Variants in HS6ST3 observed in about 807,000 individuals in gnomAD.
HS6ST3 encodes heparan-sulfate 6-O-sulfotransferase 3.
Under a neutral mutation model 36.7 loss-of-function variants are expected in HS6ST3, and 12 were observed. That is an observed-to-expected ratio of 0.33 (90% CI 0.21 to 0.53). The LOEUF is 0.53. Among genes scored for constraint, HS6ST3 ranks in the 20% least tolerant of loss-of-function variants. The probability of loss-of-function intolerance (pLI) is 0.95; values close to 1 mark genes in which losing one functional copy is unlikely to be tolerated. For missense variants in HS6ST3, 584 were observed against 640.9 expected, an observed-to-expected ratio of 0.91 and a Z score of 0.96; for synonymous variants, 240 against 257.5, an observed-to-expected ratio of 0.93 and a Z score of 0.65.
chr13:96,330,479 ATTCTT>A (rs2139420206), intron 1 of HS6ST3, among the ~76,000 whole-genome samples: 1 of 149,966 alleles, frequency 6.7e-6, no homozygotes, highest in African/African-American at 2.4e-5. Flanking sequence ...TGGGTTGAAA[ATTCTT>A]TTCTTTAAGA....
At position 96,506,560 on chromosome 13, in the gene HS6ST3, G is replaced by GGTGGAAC. The variant is rs1436175728; in HGVS notation, c.708-325930_708-325929insGTGGAAC. ...GCTATCGCTTATTTTCCTATTGAAT[G>GGTGGAAC]CTGCCTTTCCATTTAGATGGTGATT... On this transcript the variant is annotated intron_variant, in intron 1 of 1. Transcript: ENST00000376705. Among the ~76,000 whole-genome samples, 5 of 152,252 alleles carry GGTGGAAC rather than the reference G, an allele frequency of 3.3e-5. No homozygotes were observed. In the East Asian group the frequency reaches 9.7e-4, roughly 29 times the overall value.
chr13:96,821,211 G>C (rs982411823), intron 1 of HS6ST3, among the ~76,000 whole-genome samples: 4 of 152,176 alleles, frequency 2.6e-5, no homozygotes, highest in African/African-American at 4.8e-5. Context: ...TGCTAAAGTA[G>C]AACAGAGGCC....
chr13:96,775,656 C>A (rs763560565), intron 1 of HS6ST3, among the ~76,000 whole-genome samples: 9 of 151,968 alleles, frequency 5.9e-5, no homozygotes, highest in Non-Finnish European at 1.3e-4. Context: ...AAATATATAT[C>A]CACCCAATAC....
At chr13:96,801,400 C>T (rs1347447535) in intron 1 of HS6ST3, among the ~76,000 whole-genome samples, 1 of 152,050 alleles carries the variant, frequency 6.6e-6, no homozygotes, top group East Asian at 1.9e-4. Context: ...CAGATGCTGT[C>T]CAATATACCG....
intron 1 of HS6ST3, among the ~76,000 whole-genome samples, chr13:96,710,622 T>C (rs1338360858): frequency 6.6e-6 from 1 of 152,254 alleles, no homozygotes; most frequent in Non-Finnish European, 1.5e-5. Context: ...AGAAGCAGGC[T>C]GATTGCACTG....
intron 1 of HS6ST3, among the ~76,000 whole-genome samples, chr13:96,276,818 C>G (rs1033958635): frequency 1.3e-5 from 2 of 152,138 alleles, no homozygotes; most frequent in African/African-American, 4.8e-5. Context: ...CAGATTCTGG[C>G]TTTAGGTTTA....
intron 1 of HS6ST3, among the ~76,000 whole-genome samples, chr13:96,358,316 C>G (rs2055220036): frequency 6.7e-6 from 1 of 149,020 alleles, no homozygotes; most frequent in Non-Finnish European, 1.5e-5. Context: ...CTATCTAATA[C>G]AAAGTGAAAA....
intron 1 of HS6ST3, among the ~76,000 whole-genome samples, chr13:96,247,284 T>C (rs939448249): frequency 2.0e-5 from 3 of 152,066 alleles, no homozygotes; most frequent in Admixed American, 2.0e-4. Flanking sequence ...AATACAGCCC[T>C]GATATGATTT....
intron 1 of HS6ST3, among the ~76,000 whole-genome samples, chr13:96,779,836 G>A (rs1877481852): frequency 6.6e-6 from 1 of 151,624 alleles, no homozygotes; most frequent in African/African-American, 2.4e-5. Context: ...GCATCTGTGT[G>A]ACTACCTCAC....
chr13:96,439,677 G>T lies in HS6ST3; in HGVS notation c.707+348108G>T, dbSNP rs1032505854. Reference sequence around the variant, plus strand: ...GTTGTGTGAGAATTGACAGAATTAAGATATGTTAAATGTTTGGAATGATGT... The same window carrying T: ...GTTGTGTGAGAATTGACAGAATTAATATATGTTAAATGTTTGGAATGATGT... On this transcript the variant is annotated intron_variant, in intron 1 of 1. Transcript: ENST00000376705. Among the ~76,000 whole-genome samples the T allele has an allele frequency of 7.2e-5, 11 of 152,290 alleles. No individual in the cohort carries two copies. The East Asian group carries it at 2.1e-3, about 29-fold the overall frequency.
intron 1 of HS6ST3, among the ~76,000 whole-genome samples, chr13:96,696,574 C>T (rs933473347): frequency 8.5e-5 from 13 of 152,160 alleles, no homozygotes; most frequent in African/African-American, 3.1e-4. Flanking sequence ...TGGCCGATCC[C>T]CAGGAACAGT....
intron 1 of HS6ST3, among the ~76,000 whole-genome samples, chr13:96,126,709 T>C (rs1040755167): frequency 1.1e-4 from 17 of 152,146 alleles, no homozygotes; most frequent in Non-Finnish European, 2.1e-4. Context: ...ACAATTGTAC[T>C]CCCCAATCTG....
chr13:96,272,298 C>T (rs368908924), intron 1 of HS6ST3, among the ~76,000 whole-genome samples: 9 of 151,988 alleles, frequency 5.9e-5, no homozygotes, highest in African/African-American at 1.9e-4. Context: ...ATTTCACTCA[C>T]GACTGTGCTG....
intron 1 of HS6ST3, among the ~76,000 whole-genome samples, chr13:96,296,136 C>T (rs538189174): frequency 2.0e-5 from 3 of 152,116 alleles, no homozygotes; most frequent in African/African-American, 7.2e-5. Context: ...TCTGGTGGCT[C>T]CTGCATTGGG....
chr13:96,170,904 T>C (rs1215042399), intron 1 of HS6ST3, among the ~76,000 whole-genome samples: 1 of 152,246 alleles, frequency 6.6e-6, no homozygotes, highest in African/African-American at 2.4e-5. Context: ...TCAAGGGGTT[T>C]ATATTATTTA....
intron 1 of HS6ST3, among the ~76,000 whole-genome samples, chr13:96,226,164 C>T (rs1029427351): frequency 6.6e-6 from 1 of 152,158 alleles, no homozygotes; most frequent in African/African-American, 2.4e-5. Flanking sequence ...CACTTAAAAA[C>T]AACCAACCAA....
At chr13:96,484,106 A>G (rs997317583) in intron 1 of HS6ST3, among the ~76,000 whole-genome samples, 15 of 151,252 alleles carry the variant, frequency 9.9e-5, no homozygotes, top group African/African-American at 3.4e-4. Flanking sequence ...TGATTTGTCT[A>G]TTCTTTTGCC....
At chr13:96,789,763 TA>T (rs1056234389) in intron 1 of HS6ST3, among the ~76,000 whole-genome samples, 2 of 150,670 alleles carry the variant, frequency 1.3e-5, no homozygotes, top group Non-Finnish European at 3.0e-5. Flanking sequence ...GGTTTAGATT[TA>T]AAAAAAAACC....
At chr13:96,654,343 TC>T (rs1436013845) in intron 1 of HS6ST3, among the ~76,000 whole-genome samples, 2 of 152,212 alleles carry the variant, frequency 1.3e-5, no homozygotes, top group African/African-American at 4.8e-5. Context: ...TGGTTTTAGG[TC>T]TTACATTTAA....
Sources: gnomAD v4.1 joint callset for allele counts (sites outside exome capture counted in the v4.1 genomes callset) on GRCh38, gnomAD v4.1.1 for gene constraint, MANE v1.5 for transcripts, NCBI Gene and HGNC (gene_info 2026-07-23, HGNC 2026-07-21) for gene names.